OBI1: variants seen among roughly 807,000 people sequenced by gnomAD.
The protein encoded by OBI1 is ring finger protein 219.
OBI1 carries 59 observed loss-of-function variants against 62.4 expected under a neutral mutation model. That is an observed-to-expected ratio of 0.95 (90% CI 0.77 to 1.17). OBI1 has a LOEUF of 1.17. Ranked by LOEUF, OBI1 falls within the 50% of genes most tolerant of loss-of-function variation. OBI1 has a pLI of 0.00. For synonymous variants in OBI1, 302 were observed against 292.8 expected (o/e 1.03, Z -0.32); for missense variants, 875 against 830.9 (o/e 1.05, Z -0.65).
At chr13:78,642,262 G>C (rs754331241) in intron 2 of OBI1, 49 bp from the exon 3 acceptor site, 1 of 1,149,636 alleles carries the variant, frequency 8.7e-7, no homozygotes, top group Non-Finnish European at 1.3e-6. Context: ...GATTCGGGAA[G>C]AATGAAAATG....
intron 1 of OBI1, among the ~76,000 whole-genome samples, chr13:78,654,276 T>C (rs939155649): frequency 1.3e-5 from 2 of 152,228 alleles, no homozygotes; most frequent in Non-Finnish European, 2.9e-5. Context: ...ACACTATGTA[T>C]AAAATGCAAT....
chr13:78,623,546 A>G (rs1875576240), intron 5 of OBI1, among the ~76,000 whole-genome samples: 1 of 152,228 alleles, frequency 6.6e-6, no homozygotes, highest in African/African-American at 2.4e-5. Flanking sequence ...GGGGCTTAGC[A>G]GCAGGAATAG....
chr13:78,615,645 A>G lies in OBI1; in HGVS notation c.2116T>C (p.Ser706Pro), dbSNP rs918944596. 14 of 1,613,512 alleles carry G rather than the reference A, an allele frequency of 8.7e-6. No homozygotes were observed. Among genetic ancestry groups the G allele is most frequent in the Non-Finnish European group, 1.0e-5 (12 of 1,179,830 alleles). The part of the protein sequence containing the change: ...PEKRNKNVNQ[S>P]TKRKIQSSLS... Reference sequence around the variant, plus strand: ...CTGCTCTGGATTTTTCTTTTTGTTGATTGATTCACATTTTTATTCCTCTTT... The same window carrying G: ...CTGCTCTGGATTTTTCTTTTTGTTGGTTGATTCACATTTTTATTCCTCTTT... Residue 706 changes from serine (S) to proline (P), a missense_variant, in exon 6 of 6, where the codon TCA becomes CCA. Physicochemically the swap from Ser to Pro is moderately conservative, Grantham distance 74. Transcript: ENST00000282003.
In OBI1 at chr13:78,615,247, AC is replaced by A. The variant is rs542510365; in HGVS notation, c.*332del. The A allele has an allele frequency of 3.9e-3, 744 of 190,980 alleles. 2 individuals carry two copies. The highest frequency in any genetic ancestry group is 5.9e-3 in the Non-Finnish European group (548 of 92,862). 11.8% of individuals were successfully genotyped at this position (190,980 alleles called of 1,614,324 possible). A position where few individuals can be genotyped will look rare whatever the true frequency, so the allele number is the denominator to read the frequency against. On this transcript the variant is annotated 3_prime_UTR_variant, in exon 6 of 6. Transcript: ENST00000282003. ...CAGTTAAATAACATTTTTTAAAAAA[AC>A]AATGTATATCCAACCGAGATACATA... is the stretch of plus-strand genomic sequence containing the variant.
intron 4 of OBI1, among the ~76,000 whole-genome samples, chr13:78,635,783 G>T (rs902685629): frequency 6.6e-6 from 1 of 151,854 alleles, no homozygotes; most frequent in Non-Finnish European, 1.5e-5. Flanking sequence ...TATATTTTTT[G>T]AAAGAGTCTT....
intron 5 of OBI1, among the ~76,000 whole-genome samples, chr13:78,622,261 A>C (rs559371941): frequency 6.6e-6 from 1 of 152,052 alleles, no homozygotes; most frequent in African/African-American, 2.4e-5. Context: ...TAGGCGACAT[A>C]ATGAGATCAT....
In OBI1 at chr13:78,615,726, T is replaced by C; in HGVS notation, c.2035A>G (p.Met679Val). The change falls in exon 6 of 6, where the codon ATG (methionine) becomes GTG (valine). Residue 679 changes from methionine (M) to valine (V), a missense_variant. Coordinates refer to ENST00000282003, the MANE Select transcript of OBI1 (RefSeq NM_024546.4). ...TGAAGGTGGTTATGAAGACTGTGCA[T>C]CTCTGAGGACATCTTAAACAAAGAT... ...GSSLFKMSSE[M>V]HSLHNHLQSP... is the part of the protein sequence containing the mutation. The C allele has an allele frequency of 1.2e-6, 2 of 1,614,134 alleles. No individual in the cohort carries two copies. The highest frequency in any genetic ancestry group is 1.7e-6 in the Non-Finnish European group (2 of 1,179,990).
intron 5 of OBI1, among the ~76,000 whole-genome samples, chr13:78,625,852 A>C (rs762558650): frequency 1.3e-5 from 2 of 152,224 alleles, no homozygotes; most frequent in Non-Finnish European, 2.9e-5. Flanking sequence ...CTAGGAAATC[A>C]CCACATTTGT....
Position 78,616,794 on chromosome 13 carries a change from T to G in OBI1, c.967A>C (p.Thr323Pro). Reference protein sequence around the residue: ...AKPSSSRLCDTSSARQESTSK... With the variant: ...AKPSSSRLCDPSSARQESTSK... ...GTACTTTCCTGCCTTGCAGAACTGG[T>G]GTCACACAGTCTGCTGCTGGAAGGC... The change falls in exon 6 of 6, where the codon ACC (threonine) becomes CCC (proline). Residue 323 changes from threonine (T) to proline (P), a missense_variant. Thr to Pro is a conservative substitution (Grantham distance 38, BLOSUM62 -1). Coordinates refer to ENST00000282003, the MANE Select transcript of OBI1 (RefSeq NM_024546.4). 1.2e-6 allele frequency: 2 copies of G among 1,614,210 alleles called. No individual in the cohort carries two copies. Among genetic ancestry groups the G allele is most frequent in the Non-Finnish European group, 1.7e-6 (2 of 1,180,024 alleles).
At chr13:78,638,609 T>G (rs558270495) in intron 4 of OBI1, among the ~76,000 whole-genome samples, 1 of 152,270 alleles carries the variant, frequency 6.6e-6, no homozygotes, top group African/African-American at 2.4e-5. Context: ...CAGTCTCTAA[T>G]TATAGTCACA....
intron 3 of OBI1, among the ~76,000 whole-genome samples, chr13:78,640,657 G>A (rs893257673): frequency 6.6e-6 from 1 of 152,046 alleles, no homozygotes; most frequent in South Asian, 2.1e-4. Flanking sequence ...AAAATTAGCT[G>A]AGTGTGGTGG....
At chr13:78,620,752 T>C in intron 5 of OBI1, 1 of 416,412 alleles carries the variant, frequency 2.4e-6, no homozygotes, top group South Asian at 1.7e-5. Flanking sequence ...AAAGAGCATC[T>C]CTAACAACAA....
Position 78,659,089 on chromosome 13 carries a change from G to C in OBI1, c.32C>G (p.Ser11Trp), listed in dbSNP as rs777202971. The change falls in exon 1 of 6, where the codon TCG (serine) becomes TGG (tryptophan). Residue 11 changes from serine (S) to tryptophan (W), a missense_variant. Physicochemically the swap from Ser to Trp is radical, Grantham distance 177. Coordinates refer to ENST00000282003, the MANE Select transcript of OBI1 (RefSeq NM_024546.4). ...GTGGCACGTGATGGGCAGAGTGAGC[G>C]ACAATGTAACATTCTGCACGGTCTG... The part of the protein sequence containing the change: MAQTVQNVTL[S>W]LTLPITCHIC... 3 of 1,612,686 alleles carry C rather than the reference G, an allele frequency of 1.9e-6. No homozygotes were observed. Among genetic ancestry groups the C allele is most frequent in the South Asian group, 1.1e-5 (1 of 90,954 alleles).
At chr13:78,627,980 C>T (rs1311173710) in intron 5 of OBI1, among the ~76,000 whole-genome samples, 2 of 152,156 alleles carry the variant, frequency 1.3e-5, no homozygotes, top group African/African-American at 4.8e-5. Flanking sequence ...AGGGGATAGG[C>T]AGCAAGGAGC....
intron 5 of OBI1, among the ~76,000 whole-genome samples, chr13:78,623,456 T>C (rs1875573907): frequency 6.6e-6 from 1 of 152,238 alleles, no homozygotes; most frequent in East Asian, 1.9e-4. Flanking sequence ...ATATATATTA[T>C]CTCATTTAAT....
intron 1 of OBI1, among the ~76,000 whole-genome samples, chr13:78,654,046 A>AAC (rs1555290394): frequency 2.0e-5 from 3 of 151,206 alleles, no homozygotes; most frequent in Non-Finnish European, 4.4e-5. Context: ...AAAAAAAAAA[A>AAC]ACCTGTGTGA....
At chr13:78,642,332 T>C (rs370491224) in intron 2 of OBI1, 119 bp from the exon 3 acceptor site, 7 of 637,444 alleles carry the variant, frequency 1.1e-5, no homozygotes, top group African/African-American at 5.5e-5. Context: ...TCCCCTTACA[T>C]ACACACTTGG....
intron 5 of OBI1, among the ~76,000 whole-genome samples, chr13:78,629,992 G>A (rs1355152750): frequency 1.3e-5 from 2 of 152,122 alleles, no homozygotes; most frequent in Non-Finnish European, 2.9e-5. Flanking sequence ...AAGGACTGGG[G>A]CTGAAGGGAC....
At chr13:78,623,685 T>G (rs982068499) in intron 5 of OBI1, among the ~76,000 whole-genome samples, 1 of 152,240 alleles carries the variant, frequency 6.6e-6, no homozygotes, top group Non-Finnish European at 1.5e-5. Context: ...GACTAGATTT[T>G]TCTAGGCAAA....
Sources: gnomAD v4.1 joint callset for allele counts (sites outside exome capture counted in the v4.1 genomes callset) on GRCh38, gnomAD v4.1.1 for gene constraint, MANE v1.5 for transcripts, NCBI Gene and HGNC (gene_info 2026-07-23, HGNC 2026-07-21) for gene names.